PPFIBP2: variants seen among roughly 807,000 people sequenced by gnomAD.
PPFIBP2 encodes the protein liprin-beta-2.
Under a neutral mutation model 118.3 loss-of-function variants are expected in PPFIBP2, and 118 were observed. The ratio of observed to expected loss-of-function variants is 1.00; its 90% CI spans 0.86 to 1.16. PPFIBP2 has a LOEUF of 1.16. PPFIBP2 is among the 50% of genes most tolerant of loss of function. The pLI is 0.00. For missense variants in PPFIBP2, 1,195 were observed against 1,073.1 expected (o/e 1.11, Z -1.59); for synonymous variants, 414 against 397.4 (o/e 1.04, Z -0.50).
intron 3 of PPFIBP2, among the ~76,000 whole-genome samples, chr11:7,571,155 T>C (rs1353180566): frequency 6.6e-6 from 1 of 152,208 alleles, no homozygotes; most frequent in Non-Finnish European, 1.5e-5. Context: ...GGATAAGTGC[T>C]CACCTCTGAT....
intron 2 of PPFIBP2, 68 bp downstream of exon 2, chr11:7,549,607 T>TA: frequency 1.0e-5 from 14 of 1,335,362 alleles, no homozygotes; most frequent in African/African-American, 1.9e-5. Flanking sequence ...TCTCTCCTTT[T>TA]ACTTTTTTTT....
Position 7,616,664 on chromosome 11 carries a change from T to C in PPFIBP2, c.619-4271T>C, listed in dbSNP as rs1313587287. ...GGGTACATATTGTCATGGATAAGTGTGATGTGTGCCATATGTCCCCTGTGC... is the reference window on the plus strand; with the variant it reads ...GGGTACATATTGTCATGGATAAGTGCGATGTGTGCCATATGTCCCCTGTGC... On this transcript the variant is annotated intron_variant, in intron 6 of 23. Transcript: ENST00000299492. The surrounding 1 kb of genome is among the most constrained non-coding windows in gnomAD (Gnocchi z 5.2). 6.6e-6 allele frequency among the ~76,000 whole-genome samples: 1 copy of C among 152,128 alleles called. No individual in the cohort carries two copies. Among genetic ancestry groups the C allele is most frequent in the Admixed American group, 6.5e-5 (1 of 15,272 alleles).
chr11:7,620,855 T>C (rs1849265134), intron 6 of PPFIBP2, 80 bp from the exon 7 acceptor site: 1 of 972,380 alleles, frequency 1.0e-6, no homozygotes, highest in Non-Finnish European at 1.7e-6. Context: ...GCACCCCATA[T>C]GCATGAGCTT....
intron 5 of PPFIBP2, 133 bp downstream of exon 5, chr11:7,597,806 G>T (rs1204834310): frequency 4.0e-6 from 3 of 751,846 alleles, no homozygotes; most frequent in Admixed American, 4.5e-5. Flanking sequence ...CTGCTCAGTT[G>T]TACGGTGTTT....
chr11:7,652,554 G>C (rs1261958862), intron 23 of PPFIBP2, among the ~76,000 whole-genome samples: 10 of 152,214 alleles, frequency 6.6e-5, no homozygotes, highest in Non-Finnish European at 2.9e-5. Flanking sequence ...ATGTCTGGGG[G>C]AGTCAGGCAG....
At chr11:7,600,275 C>CT (rs1194189443) in intron 5 of PPFIBP2, among the ~76,000 whole-genome samples, 1 of 152,236 alleles carries the variant, frequency 6.6e-6, no homozygotes, top group Non-Finnish European at 1.5e-5. Flanking sequence ...GGCACCAGAG[C>CT]TTGAGATCTT....
chr11:7,565,829 T>G, intron 3 of PPFIBP2, 62 bp downstream of exon 3: 1 of 1,554,442 alleles, frequency 6.4e-7, no homozygotes, highest in Non-Finnish European at 8.8e-7. Flanking sequence ...GCCCATGGAG[T>G]GCCACTGCTG....
At chr11:7,566,670 T>C (rs1031690277) in intron 3 of PPFIBP2, among the ~76,000 whole-genome samples, 1 of 152,214 alleles carries the variant, frequency 6.6e-6, no homozygotes, top group African/African-American at 2.4e-5. Flanking sequence ...ACCTGGCCAG[T>C]ATTTCACTAA....
intron 1 of PPFIBP2, among the ~76,000 whole-genome samples, chr11:7,526,232 A>G (rs1395177119): frequency 6.6e-6 from 1 of 152,164 alleles, no homozygotes; most frequent in Non-Finnish European, 1.5e-5. Context: ...TGGCAAAGGG[A>G]AGGCTTTGTG....
intron 1 of PPFIBP2, among the ~76,000 whole-genome samples, chr11:7,515,000 G>C (rs1849112007): frequency 6.6e-6 from 1 of 152,112 alleles, no homozygotes; most frequent in Non-Finnish European, 1.5e-5. Flanking sequence ...AATCTGAAGT[G>C]TTTTCAAATT....
intron 7 of PPFIBP2, among the ~76,000 whole-genome samples, chr11:7,624,230 C>T (rs1007109234): frequency 3.3e-5 from 5 of 152,160 alleles, no homozygotes; most frequent in African/African-American, 1.2e-4. Flanking sequence ...TTGGAGCAGG[C>T]AGGCCAGGGT....
At position 7,653,375 on chromosome 11, in the gene PPFIBP2, T is replaced by C; in HGVS notation, c.*157T>C. On this transcript the variant is annotated 3_prime_UTR_variant, in exon 24 of 24. Coordinates refer to ENST00000299492, the MANE Select transcript of PPFIBP2 (RefSeq NM_003621.5). ...GGCCAGTCTCTTTGAACCCTGAGGG[T>C]GGCCAGGATCTGGAGCTGCATCTCT... The C allele has an allele frequency of 6.7e-7, 1 of 1,483,088 alleles. No homozygotes were observed. Among genetic ancestry groups the C allele is most frequent in the Non-Finnish European group, 8.9e-7 (1 of 1,120,688 alleles). 91.9% of individuals were successfully genotyped at this position (1,483,088 alleles called of 1,614,324 possible).
At position 7,648,370 on chromosome 11, in the gene PPFIBP2, G is replaced by A. The variant is rs1488647814; in HGVS notation, c.1647-17G>A. 1.2e-6 allele frequency: 2 copies of A among 1,603,036 alleles called. No homozygotes were observed. Among genetic ancestry groups the A allele is most frequent in the East Asian group, 4.5e-5 (2 of 44,500 alleles). ...GCTCTCCCACTAACAGGAATATGCT[G>A]TTTTCCTGCTTCCCAGTGACGCCAA... On this transcript the variant is annotated splice_polypyrimidine_tract_variant and intron_variant, in intron 17 of 23. Transcript: ENST00000299492.
intron 19 of PPFIBP2, 32 bp downstream of exon 19, chr11:7,648,943 C>G (rs767837418): frequency 3.2e-6 from 5 of 1,568,712 alleles, no homozygotes; most frequent in Non-Finnish European, 4.4e-6. Flanking sequence ...TTAAGAATGT[C>G]TCTGGCAGCA....
intron 2 of PPFIBP2, among the ~76,000 whole-genome samples, chr11:7,562,383 C>A (rs971896428): frequency 6.6e-6 from 1 of 152,210 alleles, no homozygotes; most frequent in African/African-American, 2.4e-5. Flanking sequence ...GTCCTTATAA[C>A]ATGGCAGCAG....
At chr11:7,577,702 T>C (rs1432853715) in intron 3 of PPFIBP2, 4 of 454,916 alleles carry the variant, frequency 8.8e-6, no homozygotes, top group Non-Finnish European at 1.8e-5. Context: ...CGCTTTGGGG[T>C]GTTTTGGGGT....
At chr11:7,614,187 A>G (rs1020448898) in intron 6 of PPFIBP2, among the ~76,000 whole-genome samples, 1 of 152,180 alleles carries the variant, frequency 6.6e-6, no homozygotes, top group Admixed American at 6.5e-5. Context: ...ATACTCCCAC[A>G]ATTCAAAAAT....
chr11:7,526,965 C>T lies in PPFIBP2; in HGVS notation c.-37+12844C>T, dbSNP rs750357321. On this transcript the variant is annotated intron_variant, in intron 1 of 23. Transcript: ENST00000299492. ...CCCCTTGAAGATTTTGAGAACACAC[C>T]ATCCTGAGACCTGGAGAACCAGGGT... Among the ~76,000 whole-genome samples, 133 of 152,106 alleles carry T rather than the reference C, an allele frequency of 8.7e-4. 1 individual carries two copies. Among genetic ancestry groups the T allele is most frequent in the Admixed American group, 3.3e-3 (51 of 15,306 alleles).
chr11:7,624,505 C>G (rs1849731057), intron 7 of PPFIBP2, among the ~76,000 whole-genome samples: 1 of 152,188 alleles, frequency 6.6e-6, no homozygotes, highest in African/African-American at 2.4e-5. Context: ...CAGATATTAA[C>G]TTGGGCCTTT....
Sources: allele counts gnomAD v4.1 joint callset (sites outside exome capture counted in the v4.1 genomes callset), GRCh38; gene constraint gnomAD v4.1.1; non-coding constraint Gnocchi (gnomAD v3.1); transcripts MANE v1.5; gene names NCBI Gene and HGNC (gene_info 2026-07-23, HGNC 2026-07-21).